The following NEK1 variants were observed in gnomAD, a reference collection of about 807,000 sequenced individuals.
NEK1 encodes NIMA related kinase 1.
In NEK1, 137 loss-of-function variants were observed where a neutral mutation model predicts 182.1. That is an observed-to-expected ratio of 0.75 (90% CI 0.65 to 0.87). The LOEUF (loss-of-function observed/expected upper bound fraction) is 0.87. Ranked by LOEUF, NEK1 falls within the 40% of genes least tolerant of loss-of-function variation. The pLI is 0.00. For missense variants in NEK1, 1,391 were observed against 1,494.4 expected (o/e 0.93, Z 1.14); for synonymous variants, 513 against 492.2 (o/e 1.04, Z -0.56).
intron 33 of NEK1, among the ~76,000 whole-genome samples, chr4:169,400,931 A>AT (rs1183069406): frequency 2.0e-5 from 3 of 151,964 alleles, no homozygotes; most frequent in African/African-American, 7.2e-5. Flanking sequence ...AAAAAAAAAA[A>AT]AGTGGAAAAA....
intron 19 of NEK1, among the ~76,000 whole-genome samples, chr4:169,532,001 T>C (rs767152155): frequency 2.8e-4 from 43 of 152,110 alleles, no homozygotes; most frequent in Non-Finnish European, 3.7e-4. Context: ...GAAAACTATA[T>C]ACTGTATGAT....
At position 169,556,193 on chromosome 4, in the gene NEK1, T is replaced by C. The variant is rs928753387; in HGVS notation, c.1267-98A>G. ...AAAAGTAAATTTCAATGCTTCACTT[T>C]TAAAAAGTAATTACTTAATATGAAC... On this transcript the variant is annotated intron_variant, in intron 16 of 35. Coordinates refer to ENST00000507142, the MANE Select transcript of NEK1 (RefSeq NM_001199397.3). 5 of 1,106,610 alleles carry C rather than the reference T, an allele frequency of 4.5e-6. No homozygotes were observed. In the African/African-American group the frequency reaches 6.3e-5, roughly 14 times the overall value. 68.5% of individuals were successfully genotyped at this position (1,106,610 alleles called of 1,614,324 possible). A position where few individuals can be genotyped will look rare whatever the true frequency, so the allele number is the denominator to read the frequency against.
chr4:169,501,349 G>A (rs1429405343), intron 23 of NEK1, among the ~76,000 whole-genome samples: 1 of 151,168 alleles, frequency 6.6e-6, no homozygotes, highest in Non-Finnish European at 1.5e-5. Flanking sequence ...ACTGATCAAG[G>A]CCCAAAACTA....
rs141863651 is a variant in NEK1, at chr4:169,562,002, T to TA, written c.1081-112dup. 1.9e-3 allele frequency: 1,601 copies of TA among 856,256 alleles called. 3 individuals are homozygous for TA. The highest frequency in any genetic ancestry group is 0.01 in the African/African-American group (571 of 54,410). 53.0% of individuals were successfully genotyped at this position (856,256 alleles called of 1,614,324 possible). ...GGTATGTTCAATGAGGTTTTTTTTTTAAAAAAAAAAAGAAGTTATAGGTAT... is the reference window on the plus strand; with the variant it reads ...GGTATGTTCAATGAGGTTTTTTTTTTAAAAAAAAAAAAGAAGTTATAGGTAT... On this transcript the variant is annotated intron_variant, in intron 13 of 35. Transcript: ENST00000507142.
chr4:169,428,025 T>C (rs997826145), intron 29 of NEK1, among the ~76,000 whole-genome samples: 7 of 151,702 alleles, frequency 4.6e-5, no homozygotes, highest in South Asian at 2.1e-4. Context: ...TCTTGCTATG[T>C]TGCCCAGGCT....
intron 31 of NEK1, among the ~76,000 whole-genome samples, chr4:169,410,936 C>T (rs1195931793): frequency 6.6e-6 from 1 of 152,234 alleles, no homozygotes. Context: ...CAAGAGGGCA[C>T]TGACAGTAAA....
At chr4:169,425,489 T>C (rs138074550) in intron 30 of NEK1, among the ~76,000 whole-genome samples, 196 of 151,794 alleles carry the variant, frequency 1.3e-3, no homozygotes, top group African/African-American at 4.4e-3. Flanking sequence ...AAAAATACAC[T>C]ATTTAGATAC....
chr4:169,503,715 C>A (rs1752781591), intron 23 of NEK1, among the ~76,000 whole-genome samples: 1 of 151,986 alleles, frequency 6.6e-6, no homozygotes, highest in African/African-American at 2.4e-5. Context: ...ATACAAAAAT[C>A]AAATCAAAAT....
intron 18 of NEK1, among the ~76,000 whole-genome samples, chr4:169,550,337 T>G (rs1761236640): frequency 6.6e-6 from 1 of 152,212 alleles, no homozygotes; most frequent in Non-Finnish European, 1.5e-5. Context: ...CTCTTTTTCT[T>G]TATAAATTAC....
intron 29 of NEK1, among the ~76,000 whole-genome samples, chr4:169,428,261 G>A (rs945285271): frequency 1.3e-5 from 2 of 150,690 alleles, no homozygotes; most frequent in Non-Finnish European, 3.0e-5. Context: ...CAGATACTGT[G>A]TGTCAATGTT....
intron 6 of NEK1, among the ~76,000 whole-genome samples, chr4:169,590,476 G>A (rs1032756966): frequency 6.6e-6 from 1 of 152,092 alleles, no homozygotes; most frequent in Non-Finnish European, 1.5e-5. Context: ...CACTGCTAAT[G>A]GGTACGAGGT....
chr4:169,482,436 G>A (rs1748219489), intron 23 of NEK1, among the ~76,000 whole-genome samples: 1 of 151,530 alleles, frequency 6.6e-6, no homozygotes, highest in South Asian at 2.1e-4. Flanking sequence ...GGGACTATAG[G>A]TGTGTGCCAC....
At chr4:169,496,096 T>C (rs1256970041) in intron 23 of NEK1, among the ~76,000 whole-genome samples, 2 of 152,202 alleles carry the variant, frequency 1.3e-5, no homozygotes, top group Non-Finnish European at 2.9e-5. Context: ...TGGTTTGTAG[T>C]TCTCCTTGAA....
intron 31 of NEK1, among the ~76,000 whole-genome samples, chr4:169,414,714 A>C (rs1467330473): frequency 6.6e-6 from 1 of 152,226 alleles, no homozygotes; most frequent in Admixed American, 6.5e-5. Flanking sequence ...CAGATATATT[A>C]AAACAAATAC....
intron 16 of NEK1, among the ~76,000 whole-genome samples, chr4:169,556,450 T>C (rs1356828359): frequency 1.3e-5 from 2 of 152,178 alleles, no homozygotes; most frequent in Non-Finnish European, 2.9e-5. Context: ...GTATAGCTTA[T>C]GAGAGCCTCC....
chr4:169,406,480 G>C (rs1170731493), intron 32 of NEK1, 116 bp downstream of exon 32: 2 of 642,792 alleles, frequency 3.1e-6, no homozygotes, highest in Non-Finnish European at 5.0e-6. Context: ...ATATACAGAA[G>C]ACATAAAAGC....
chr4:169,506,861 CGAGA>C (rs947795416), intron 23 of NEK1, 172 bp downstream of exon 23: 1 of 354,244 alleles, frequency 2.8e-6, no homozygotes, highest in Non-Finnish European at 5.0e-6. Flanking sequence ...TTCTTAAATG[CGAGA>C]GAGACAGAGA....
At chr4:169,599,390 C>G (rs1186750550) in intron 4 of NEK1, among the ~76,000 whole-genome samples, 193 bp from the exon 5 acceptor site, 2 of 152,146 alleles carry the variant, frequency 1.3e-5, no homozygotes, top group Non-Finnish European at 2.9e-5. Flanking sequence ...ACAGAAAACT[C>G]CATCATTAAT....
chr4:169,518,355 C>T (rs1304884118), intron 19 of NEK1, among the ~76,000 whole-genome samples: 2 of 119,196 alleles, frequency 1.7e-5, no homozygotes, highest in East Asian at 4.7e-4. Flanking sequence ...GGTGATATCC[C>T]CTTTATCATT....
Sources: gnomAD v4.1 joint callset for allele counts (sites outside exome capture counted in the v4.1 genomes callset) on GRCh38, gnomAD v4.1.1 for gene constraint, MANE v1.5 for transcripts, NCBI Gene and HGNC (gene_info 2026-07-23, HGNC 2026-07-21) for gene names.